The following PAMR1 variants were observed in gnomAD, a reference collection of about 807,000 sequenced individuals.
PAMR1 encodes the protein peptidase domain containing associated with muscle regeneration 1, also known as inactive serine protease PAMR1.
Under a neutral mutation model 81.8 loss-of-function variants are expected in PAMR1, and 88 were observed. The observed-to-expected ratio is 1.08, with a 90% CI of 0.91 to 1.28. The LOEUF (loss-of-function observed/expected upper bound fraction) is 1.28, where lower values mean the gene tolerates loss of function less well. Among genes scored for constraint, PAMR1 ranks in the 50% most tolerant of loss-of-function variants. PAMR1 has a pLI of 0.00. For missense variants in PAMR1, 935 were observed against 919.7 expected, an observed-to-expected ratio of 1.02 and a Z score of -0.21; for synonymous variants, 336 against 345.3, an observed-to-expected ratio of 0.97 and a Z score of 0.30.
intron 1 of PAMR1, among the ~76,000 whole-genome samples, chr11:35,520,316 T>G (rs1207088158): frequency 2.0e-5 from 3 of 152,224 alleles, no homozygotes; most frequent in Admixed American, 2.0e-4. Context: ...GCAGTCACAC[T>G]GATTCAGAGA....
At chr11:35,507,947 A>G (rs1851000445) in intron 1 of PAMR1, among the ~76,000 whole-genome samples, 1 of 152,126 alleles carries the variant, frequency 6.6e-6, no homozygotes. Context: ...ATAGTTTTGA[A>G]AGGCTGGCTA....
At chr11:35,497,055 T>C (rs900760696) in intron 1 of PAMR1, among the ~76,000 whole-genome samples, 3 of 152,020 alleles carry the variant, frequency 2.0e-5, no homozygotes, top group Non-Finnish European at 4.4e-5. Flanking sequence ...TAATCCCAGC[T>C]ACTTAGGAGG....
chr11:35,520,592 T>C (rs1486938053), intron 1 of PAMR1, among the ~76,000 whole-genome samples: 1 of 152,124 alleles, frequency 6.6e-6, no homozygotes, highest in Non-Finnish European at 1.5e-5. Flanking sequence ...AACTGGAAAA[T>C]GTAAACATTG....
intron 3 of PAMR1, among the ~76,000 whole-genome samples, chr11:35,480,881 T>C (rs1850377695): frequency 6.6e-6 from 1 of 152,064 alleles, no homozygotes; most frequent in Admixed American, 6.6e-5. Context: ...CACGCTCTGG[T>C]GTGTGTTGTT....
chr11:35,488,830 C>T (rs1850563220), intron 3 of PAMR1, among the ~76,000 whole-genome samples: 1 of 152,020 alleles, frequency 6.6e-6, no homozygotes. Context: ...CCTTGGCCTC[C>T]CAAAGTGCTG....
At chr11:35,474,532 T>C (rs1234195645) in intron 4 of PAMR1, 98 bp downstream of exon 4, 6 of 676,528 alleles carry the variant, frequency 8.9e-6, no homozygotes, top group African/African-American at 1.9e-5. Context: ...GGCTCCAATA[T>C]ACAAAGGCTC....
intron 6 of PAMR1, among the ~76,000 whole-genome samples, chr11:35,447,501 C>G (rs1008020114): frequency 5.3e-5 from 8 of 152,188 alleles, no homozygotes; most frequent in African/African-American, 1.7e-4. Flanking sequence ...TTGCGCCTGG[C>G]CTTCCTCCAT....
At position 35,436,108 on chromosome 11, in the gene PAMR1, T is replaced by A. The variant is rs772369288; in HGVS notation, c.1128A>T (p.Ser376=). Residue 376 remains serine, a synonymous_variant, in exon 9 of 11, where the codon TCA becomes TCT. Coordinates refer to ENST00000619888, the MANE Select transcript of PAMR1 (RefSeq NM_001001991.3). ...SRETPLHQLY[S]AAFSKQKLQS... ...GCAGTTTCTGCTTGCTGAAGGCCGC[T>A]GAGTATAGCTGGTGTAATGGTGTCT... 9 of 1,613,716 alleles carry A rather than the reference T, an allele frequency of 5.6e-6. No homozygotes were observed. In the Admixed American group the frequency reaches 1.5e-4, roughly 27 times the overall value.
At chr11:35,460,797 A>C (rs998927083) in intron 6 of PAMR1, among the ~76,000 whole-genome samples, 3 of 152,148 alleles carry the variant, frequency 2.0e-5, no homozygotes, top group African/African-American at 7.2e-5. Context: ...GTGTGTGTGC[A>C]TCTTTATAGC....
intron 1 of PAMR1, among the ~76,000 whole-genome samples, chr11:35,517,764 T>C (rs1040474505): frequency 6.6e-6 from 1 of 152,210 alleles, no homozygotes; most frequent in Non-Finnish European, 1.5e-5. Context: ...CTCAGTAGAT[T>C]GCAAGTGCCT....
chr11:35,459,471 G>A (rs1477968821), intron 6 of PAMR1, among the ~76,000 whole-genome samples: 1 of 152,162 alleles, frequency 6.6e-6, no homozygotes, highest in Non-Finnish European at 1.5e-5. Context: ...TTCTGCTTCA[G>A]CTCCTTGGGG....
chr11:35,494,396 C>G lies in PAMR1; in HGVS notation c.74-124G>C, dbSNP rs531359516. 32 of 743,748 alleles carry G rather than the reference C, an allele frequency of 4.3e-5. No individual in the cohort carries two copies. The Admixed American group carries it at 4.9e-4, about 11-fold the overall frequency. The allele number at this position is 743,748 out of a possible 1,614,324, so 46.1% of individuals were successfully genotyped here. On this transcript the variant is annotated intron_variant, in intron 1 of 10. Coordinates refer to ENST00000619888, the MANE Select transcript of PAMR1 (RefSeq NM_001001991.3). ...TCGCCCAGGCTGGAGTGCAGTGGCGCGATCTCGGCTCACTGTAAGCTCTGC... is the reference window on the plus strand; with the variant it reads ...TCGCCCAGGCTGGAGTGCAGTGGCGGGATCTCGGCTCACTGTAAGCTCTGC...
At chr11:35,485,928 T>G (rs1479914289) in intron 3 of PAMR1, among the ~76,000 whole-genome samples, 1 of 152,224 alleles carries the variant, frequency 6.6e-6, no homozygotes, top group African/African-American at 2.4e-5. Flanking sequence ...TCCGGCGCTG[T>G]GTCCCAGCCA....
At chr11:35,489,337 T>C (rs2135397448) in intron 3 of PAMR1, among the ~76,000 whole-genome samples, 1 of 152,318 alleles carries the variant, frequency 6.6e-6, no homozygotes, top group East Asian at 1.9e-4. Flanking sequence ...AACTAAGAAT[T>C]TGAAAGGCAA....
upstream of PAMR1, among the ~76,000 whole-genome samples, chr11:35,529,622 G>A (rs1307544991): frequency 1.3e-5 from 2 of 152,180 alleles, 1 homozygote; most frequent in Admixed American, 1.3e-4. Flanking sequence ...ATTAGGGCTA[G>A]AGTAAAGAGC....
At chr11:35,439,557 G>A in intron 8 of PAMR1, 70 bp downstream of exon 8, 1 of 1,257,412 alleles carries the variant, frequency 8.0e-7, no homozygotes, top group South Asian at 1.2e-5. Context: ...CCAAACACAA[G>A]TGGGGAAGGG....
chr11:35,474,164 C>T (rs1202263384), intron 4 of PAMR1, among the ~76,000 whole-genome samples: 1 of 152,216 alleles, frequency 6.6e-6, no homozygotes, highest in Non-Finnish European at 1.5e-5. Flanking sequence ...ACTCATCTTC[C>T]ACACAGGTGA....
upstream of PAMR1, among the ~76,000 whole-genome samples, chr11:35,527,669 T>C (rs566714522): frequency 6.6e-6 from 1 of 152,278 alleles, no homozygotes; most frequent in East Asian, 1.9e-4. Context: ...CAAATAACTG[T>C]AGGCATAAGA....
intron 1 of PAMR1, among the ~76,000 whole-genome samples, chr11:35,507,039 CTTTTTT>C (rs71044524): frequency 0.12 from 10,512 of 86,916 alleles, 927 homozygotes; most frequent in African/African-American, 0.19. Context: ...AATAGCCTGA[CTTTTTT>C]TTTTTTTTTT....
Sources: gnomAD v4.1 joint callset for allele counts (sites outside exome capture counted in the v4.1 genomes callset) on GRCh38, gnomAD v4.1.1 for gene constraint, MANE v1.5 for transcripts, NCBI Gene and HGNC (gene_info 2026-07-23, HGNC 2026-07-21) for gene names.